ZIC3: variants seen among roughly 807,000 people sequenced by gnomAD.
ZIC3 encodes Zic family zinc finger 3.
A neutral mutation model predicts 18.3 loss-of-function variants in ZIC3; 6 were observed. The observed-to-expected ratio is 0.33, with a 90% CI of 0.18 to 0.65. ZIC3 has a LOEUF of 0.65. Among genes scored for constraint, ZIC3 ranks in the 30% least tolerant of loss-of-function variants. The pLI is 0.75. For synonymous variants in ZIC3, 175 were observed against 177.0 expected (o/e 0.99, Z 0.09); for missense variants, 260 against 410.0 (o/e 0.63, Z 3.16).
chrX:137,568,981 T>C lies in ZIC3; in HGVS notation c.1140T>C (p.His380=). 1 of 1,211,268 alleles carries C rather than the reference T, an allele frequency of 8.3e-7. No individual in the cohort carries two copies. The highest frequency in any genetic ancestry group is 1.1e-6 in the Non-Finnish European group (1 of 895,370). ...ANSSDRKKHM[H]VHTSDKPYIC... Reference sequence around the variant, plus strand: ...GCAGCGACCGTAAGAAGCACATGCATGTGCATACCTCGGACAAGCCCTATA... The same window carrying C: ...GCAGCGACCGTAAGAAGCACATGCACGTGCATACCTCGGACAAGCCCTATA... Residue 380 remains histidine, a synonymous_variant, in exon 2 of 3, where the codon CAT becomes CAC. Transcript: ENST00000287538.
downstream of ZIC3, among the ~76,000 whole-genome samples, chrX:137,573,079 G>A (rs1026650049): frequency 1.1e-5 from 1 of 94,664 alleles, no homozygotes; most frequent in East Asian, 3.6e-4. Context: ...GGCTCTGGGA[G>A]TGCACATTTA....
intron 1 of ZIC3, among the ~76,000 whole-genome samples, chrX:137,568,353 T>C (rs992219172): frequency 1.3e-4 from 14 of 109,452 alleles, no homozygotes; most frequent in Admixed American, 2.9e-4. Context: ...TATCTATCTA[T>C]CTATCTATCT....
chrX:137,568,681 G>GCCCCCCCCCCCCCCCCCCCC, intron 1 of ZIC3: 1 of 142,759 alleles, frequency 7.0e-6, no homozygotes, highest in Non-Finnish European at 1.3e-5. Flanking sequence ...TTTTGGGCCG[G>GCCCCCCCCCCCCCCCCCCCC]CCCCGCCCCA....
intron 1 of ZIC3, among the ~76,000 whole-genome samples, chrX:137,568,343 T>TATCTATC (rs1556030102): frequency 1.3e-5 from 1 of 75,166 alleles, no homozygotes; most frequent in Admixed American, 1.3e-4. Flanking sequence ...TCGATCGATC[T>TATCTATC]ATCTATCTAT....
intron 1 of ZIC3, 194 bp from the exon 2 acceptor site, chrX:137,568,708 G>A: frequency 2.6e-5 from 1 of 38,491 alleles, no homozygotes. Flanking sequence ...CCCCCACCCC[G>A]ACCACCACTC....
At chrX:137,568,350 CT>C (rs1000638217) in intron 1 of ZIC3, among the ~76,000 whole-genome samples, 8 of 108,854 alleles carry the variant, frequency 7.3e-5, no homozygotes, top group Non-Finnish European at 1.2e-4. Context: ...ATCTATCTAT[CT>C]ATCTATCTAT....
intron 1 of ZIC3, 43 bp downstream of exon 1, chrX:137,567,794 C>T (rs1463622547): frequency 2.5e-6 from 3 of 1,210,403 alleles, no homozygotes; most frequent in African/African-American, 1.7e-5. Context: ...ACTGGCGATA[C>T]CCCGTCACGC....
Position 137,566,648 on chromosome X carries a change from T to TC in ZIC3, c.-43dup. ...GAGATCTCCTCCTTCGCCGGTACCC[T>TC]CTCTCACTTCGGCCGGATCGCCTGT... On this transcript the variant is annotated 5_prime_UTR_variant, in exon 1 of 3. Coordinates refer to ENST00000287538, the MANE Select transcript of ZIC3 (RefSeq NM_003413.4). 1 of 1,187,458 alleles carries TC rather than the reference T, an allele frequency of 8.4e-7. No homozygotes were observed. Among genetic ancestry groups the TC allele is most frequent in the Non-Finnish European group, 1.1e-6 (1 of 886,078 alleles).
chrX:137,569,022 A>G lies in ZIC3; in HGVS notation c.1181A>G (p.Asp394Gly), dbSNP rs1931398457. 1 of 1,211,428 alleles carries G rather than the reference A, an allele frequency of 8.3e-7. No individual in the cohort carries two copies. Among genetic ancestry groups the G allele is most frequent in the Non-Finnish European group, 1.1e-6 (1 of 895,468 alleles). ...AAGCCCTATATCTGCAAAGTGTGCG[A>G]CAAGTCCTACACGCACCCGAGCTCC... is the stretch of plus-strand genomic sequence containing the variant. ...SDKPYICKVCDKSYTHPSSLR... is the reference protein window; with the variant it reads ...SDKPYICKVCGKSYTHPSSLR... The change falls in exon 2 of 3, where the codon GAC (aspartate) becomes GGC (glycine). Residue 394 changes from aspartate to glycine, a missense_variant. Transcript: ENST00000287538.
intron 2 of ZIC3, 47 bp downstream of exon 2, chrX:137,569,112 C>T (rs768312707): frequency 3.3e-6 from 4 of 1,200,744 alleles, no homozygotes; most frequent in Non-Finnish European, 4.5e-6. Context: ...ACACTCGGCC[C>T]GACGCCGGGC....
chrX:137,576,649 G>A (rs1346304511), downstream of ZIC3, among the ~76,000 whole-genome samples: 1 of 112,444 alleles, frequency 8.9e-6, no homozygotes, highest in Non-Finnish European at 1.9e-5. Context: ...GGAATGTTCA[G>A]AGCACTTGGA....
chrX:137,566,873 C>A lies in ZIC3; in HGVS notation c.182C>A (p.Ala61Asp). ...AAAAAFKLSP[A>D]AAHDLSSGQS... ...GCCGCTGCCTTCAAGCTGAGCCCTG[C>A]CGCGGCGCACGATCTATCTTCAGGC... Residue 61 changes from alanine to aspartate, a missense_variant, in exon 1 of 3, where the codon GCC becomes GAC. Around this residue, in one of 4 missense-constraint regions of ZIC3, gnomAD observed 183 missense variants for 223.8 expected, o/e 0.82. Coordinates refer to ENST00000287538, the MANE Select transcript of ZIC3 (RefSeq NM_003413.4). The A allele has an allele frequency of 8.6e-7, 1 of 1,163,866 alleles. No homozygotes were observed.
intron 1 of ZIC3, among the ~76,000 whole-genome samples, chrX:137,568,487 G>T (rs976280498): frequency 8.9e-6 from 1 of 111,964 alleles, no homozygotes; most frequent in African/African-American, 3.2e-5. Context: ...GTACAAAGAG[G>T]CTGAACGGGA....
intron 2 of ZIC3, 129 bp downstream of exon 2, chrX:137,569,194 A>T: frequency 2.4e-6 from 1 of 415,893 alleles, no homozygotes. Context: ...CAGCAGTGAC[A>T]CCTTGAACCC....
chrX:137,572,845 A>G, downstream of ZIC3, among the ~76,000 whole-genome samples: 1 of 111,774 alleles, frequency 8.9e-6, no homozygotes, highest in Admixed American at 9.5e-5. Context: ...ATTTTACAGG[A>G]AAGTACTTGA....
At chrX:137,577,326 AT>A (rs1053091793) in exon 3 of ZIC3, 2 of 424,469 alleles carry the variant, frequency 4.7e-6, no homozygotes, top group Non-Finnish European at 8.5e-6. Context: ...TGAAGTGATC[AT>A]TTTAAGAGTA....
At chrX:137,574,425 G>C (rs898318441), downstream of ZIC3, among the ~76,000 whole-genome samples, 1 of 113,462 alleles carries the variant, frequency 8.8e-6, no homozygotes, top group African/African-American at 3.2e-5. Context: ...GCGCGCACGT[G>C]TGAGAGCCGG....
Position 137,570,535 on chromosome X carries a change from C to T in ZIC3, c.*465C>T. 7.2e-6 allele frequency: 1 copy of T among 138,489 alleles called. No individual in the cohort carries two copies. The highest frequency in any genetic ancestry group is 3.4e-3 in the Middle Eastern group (1 of 293). 11.4% of individuals were successfully genotyped at this position (138,489 alleles called of 1,213,427 possible). A position where few individuals can be genotyped will look rare whatever the true frequency, so the allele number is the denominator to read the frequency against. On this transcript the variant is annotated 3_prime_UTR_variant, in exon 3 of 3. Coordinates refer to ENST00000287538, the MANE Select transcript of ZIC3 (RefSeq NM_003413.4). ...TCTTGAACTTTTCCTCAAAGCATTA[C>T]ACTTGTGAATGTATTTTTGTCTAAT...
downstream of ZIC3, among the ~76,000 whole-genome samples, chrX:137,575,174 A>G (rs955859518): frequency 1.8e-5 from 2 of 112,255 alleles, no homozygotes; most frequent in Non-Finnish European, 3.8e-5. Context: ...CTCTTCCAGG[A>G]CAGTGGCGAA....
Sources: allele counts gnomAD v4.1 joint callset (sites outside exome capture counted in the v4.1 genomes callset), GRCh38; gene constraint gnomAD v4.1.1; regional missense constraint gnomAD v4.1.1; transcripts MANE v1.5; gene names NCBI Gene and HGNC (gene_info 2026-07-23, HGNC 2026-07-21).